The following WWOX variants were observed in gnomAD, a reference collection of about 807,000 sequenced individuals.
WWOX encodes the protein WW domain-containing oxidoreductase.
Under a neutral mutation model 46.2 loss-of-function variants are expected in WWOX, and 69 were observed. The ratio of observed to expected loss-of-function variants is 1.49; its 90% CI spans 1.23 to 1.82. The LOEUF (loss-of-function observed/expected upper bound fraction) is 1.82, where lower values mean the gene tolerates loss of function less well. Ranked by LOEUF, WWOX falls within the 40% of genes most tolerant of loss-of-function variation. The pLI is 0.00. For missense variants in WWOX, 919 were observed against 542.6 expected, an observed-to-expected ratio of 1.69 and a Z score of -6.89; for synonymous variants, 359 against 202.6, an observed-to-expected ratio of 1.77 and a Z score of -6.56.
At chr16:79,132,162 A>ACACACC (rs776304894) in intron 8 of WWOX, among the ~76,000 whole-genome samples, 3 of 137,894 alleles carry the variant, frequency 2.2e-5, no homozygotes, top group Admixed American at 7.2e-5. Context: ...ACACACACAC[A>ACACACC]CACACCCCTT....
intron 8 of WWOX, among the ~76,000 whole-genome samples, chr16:78,743,712 C>G (rs912867872): frequency 1.3e-5 from 2 of 152,116 alleles, no homozygotes; most frequent in Non-Finnish European, 1.5e-5. Context: ...GGAGCTGTAA[C>G]TTTGTAACTT....
chr16:79,039,609 C>A (rs959074845), intron 8 of WWOX, among the ~76,000 whole-genome samples: 5 of 152,200 alleles, frequency 3.3e-5, no homozygotes, highest in Non-Finnish European at 5.9e-5. Flanking sequence ...AGGGTTTTGC[C>A]TTCCTACCGT....
At chr16:78,111,458 C>G (rs1408101610) in intron 3 of WWOX, among the ~76,000 whole-genome samples, 1 of 152,176 alleles carries the variant, frequency 6.6e-6, no homozygotes, top group African/African-American at 2.4e-5. Flanking sequence ...ACCTAGAAGG[C>G]AAGAGGTGAG....
chr16:78,419,155 A>G (rs979464261), intron 6 of WWOX, among the ~76,000 whole-genome samples: 7 of 152,190 alleles, frequency 4.6e-5, no homozygotes, highest in Admixed American at 1.3e-4. Flanking sequence ...TATACTAGCA[A>G]TGAAGGCATC....
chr16:79,186,772 C>T (rs908363383), intron 8 of WWOX, among the ~76,000 whole-genome samples: 2 of 152,010 alleles, frequency 1.3e-5, no homozygotes, highest in African/African-American at 4.8e-5. Flanking sequence ...TTCTCCAATC[C>T]TCACGCTAGC....
chr16:78,420,381 G>A (rs1363320552), intron 6 of WWOX, among the ~76,000 whole-genome samples: 1 of 152,100 alleles, frequency 6.6e-6, no homozygotes, highest in South Asian at 2.1e-4. Flanking sequence ...TCCATCATTG[G>A]TGAATGGATA....
At chr16:78,451,473 G>C (rs890280917) in intron 8 of WWOX, among the ~76,000 whole-genome samples, 1 of 152,210 alleles carries the variant, frequency 6.6e-6, no homozygotes, top group African/African-American at 2.4e-5. Context: ...TGAGGTAGCA[G>C]AAGGGGCTGT....
Position 78,937,727 on chromosome 16 carries a change from C to T in WWOX, c.1057-273881C>T, listed in dbSNP as rs575350829. Among the ~76,000 whole-genome samples the T allele has an allele frequency of 5.3e-5, 8 of 151,958 alleles. No individual in the cohort carries two copies. The East Asian group carries it at 5.8e-4, about 11-fold the overall frequency. ...GCAACCTCCGCCTCCTGGGTTGAAGCGATTCTCCTGCCTCAGCCTCCTGAG... is the reference window on the plus strand; with the variant it reads ...GCAACCTCCGCCTCCTGGGTTGAAGTGATTCTCCTGCCTCAGCCTCCTGAG... On this transcript the variant is annotated intron_variant, in intron 8 of 8. Transcript: ENST00000566780.
intron 8 of WWOX, among the ~76,000 whole-genome samples, chr16:78,517,580 G>C (rs1035635223): frequency 6.6e-6 from 1 of 152,136 alleles, no homozygotes; most frequent in Non-Finnish European, 1.5e-5. Flanking sequence ...TCATATTGTG[G>C]TCCGGAGAGG....
At chr16:78,496,976 G>C (rs2084933395) in intron 8 of WWOX, among the ~76,000 whole-genome samples, 1 of 152,232 alleles carries the variant, frequency 6.6e-6, no homozygotes, top group African/African-American at 2.4e-5. Flanking sequence ...AATCAAGGGA[G>C]TTAACTATGG....
intron 8 of WWOX, among the ~76,000 whole-genome samples, chr16:78,880,811 A>G (rs763022312): frequency 3.9e-5 from 6 of 152,138 alleles, no homozygotes; most frequent in Non-Finnish European, 8.8e-5. Context: ...TTTTCCCAAC[A>G]TGGGAGTATG....
chr16:78,743,648 A>G (rs2049282266), intron 8 of WWOX, among the ~76,000 whole-genome samples: 1 of 152,150 alleles, frequency 6.6e-6, no homozygotes, highest in African/African-American at 2.4e-5. Context: ...GCAGATGGAA[A>G]ATTGAAAGTA....
intron 5 of WWOX, among the ~76,000 whole-genome samples, chr16:78,232,385 C>G (rs1021374747): frequency 6.6e-5 from 10 of 152,176 alleles, no homozygotes; most frequent in Admixed American, 6.6e-4. Flanking sequence ...CAGTTTTTCA[C>G]TCCTTTCTTG....
chr16:78,899,008 A>C (rs2044764133), intron 8 of WWOX: 1 of 152,080 alleles, frequency 6.6e-6, no homozygotes, highest in Non-Finnish European at 1.5e-5. Flanking sequence ...CTTTTTGTTA[A>C]ATAGATTCTG....
At chr16:78,375,172 A>G (rs1037585257) in intron 5 of WWOX, among the ~76,000 whole-genome samples, 1 of 152,226 alleles carries the variant, frequency 6.6e-6, no homozygotes, top group Admixed American at 6.5e-5. Context: ...ATTCATCTGT[A>G]AAGTAAAAAT....
At chr16:79,110,845 T>C (rs1394168570) in intron 8 of WWOX, 2 of 152,200 alleles carry the variant, frequency 1.3e-5, no homozygotes, top group African/African-American at 4.8e-5. Context: ...TAGCTGACTT[T>C]TGTGAGTTTT....
chr16:78,467,886 C>G (rs2084117892), intron 8 of WWOX, among the ~76,000 whole-genome samples: 2 of 152,164 alleles, frequency 1.3e-5, no homozygotes, highest in Admixed American at 1.3e-4. Flanking sequence ...AAAATGACTC[C>G]AAACTCAGTG....
intron 4 of WWOX, among the ~76,000 whole-genome samples, chr16:78,138,844 C>T (rs2033887934): frequency 6.6e-6 from 1 of 152,208 alleles, no homozygotes; most frequent in Non-Finnish European, 1.5e-5. Flanking sequence ...CAAAATGGGG[C>T]TTCTGAATTG....
intron 8 of WWOX, among the ~76,000 whole-genome samples, chr16:78,957,290 A>T (rs957724695): frequency 2.6e-5 from 4 of 152,240 alleles, no homozygotes; most frequent in Non-Finnish European, 1.5e-5. Flanking sequence ...CGACCAGATA[A>T]TTATCTGAGA....
Sources: allele counts gnomAD v4.1 joint callset (sites outside exome capture counted in the v4.1 genomes callset), GRCh38; gene constraint gnomAD v4.1.1; transcripts MANE v1.5; gene names NCBI Gene and HGNC (gene_info 2026-07-23, HGNC 2026-07-21).